Variants in PTCHD4 observed in about 807,000 individuals in gnomAD.
PTCHD4 encodes the protein patched domain-containing protein 4.
In PTCHD4, 33 loss-of-function variants were observed where a neutral mutation model predicts 58.1. That is an observed-to-expected ratio of 0.57 (90% CI 0.43 to 0.76). PTCHD4 has a LOEUF of 0.76. PTCHD4 is among the 30% of genes least tolerant of loss of function. The pLI is 0.00. For synonymous variants in PTCHD4, 478 were observed against 409.6 expected (o/e 1.17, Z -2.02); for missense variants, 1,058 against 1,027.1 (o/e 1.03, Z -0.41).
chr6:47,935,269 C>T lies in PTCHD4; in HGVS notation c.899-55333G>A, dbSNP rs569724851. 1.2e-4 allele frequency among the ~76,000 whole-genome samples: 19 copies of T among 152,218 alleles called. No individual in the cohort carries two copies. The East Asian group carries it at 3.1e-3, about 25-fold the overall frequency. ...AAGATCAATTGGGAAGTCTATCATT[C>T]GTATGCTACCTCTTAATTTGTGGCT... On this transcript the variant is annotated intron_variant, in intron 4 of 4. Coordinates refer to ENST00000339488, the MANE Select transcript of PTCHD4 (RefSeq NM_001384253.1).
intron 4 of PTCHD4, among the ~76,000 whole-genome samples, chr6:47,980,386 TTC>T (rs1767837925): frequency 6.6e-6 from 1 of 152,098 alleles, no homozygotes; most frequent in Non-Finnish European, 1.5e-5. Flanking sequence ...CCTTTCTTCT[TTC>T]TCTGTGTTGT....
intron 4 of PTCHD4, among the ~76,000 whole-genome samples, chr6:47,927,937 T>G (rs1193528276): frequency 1.3e-5 from 2 of 152,086 alleles, no homozygotes; most frequent in African/African-American, 4.8e-5. Flanking sequence ...TCTTATTTTT[T>G]GATCTCATAT....
At chr6:47,925,647 G>A (rs1314865675) in intron 4 of PTCHD4, among the ~76,000 whole-genome samples, 1 of 152,196 alleles carries the variant, frequency 6.6e-6, no homozygotes, top group Non-Finnish European at 1.5e-5. Flanking sequence ...CATGACCTGT[G>A]ATGACAACCA....
chr6:47,889,565 C>A (rs943445793), intron 4 of PTCHD4, among the ~76,000 whole-genome samples: 1 of 151,966 alleles, frequency 6.6e-6, no homozygotes, highest in Non-Finnish European at 1.5e-5. Flanking sequence ...CTACAACTAT[C>A]TGATCTTTGA....
At position 48,004,441 on chromosome 6, in the gene PTCHD4, G is replaced by T. The variant is rs1768871195; in HGVS notation, c.898+4193C>A. 2.6e-5 allele frequency among the ~76,000 whole-genome samples: 4 copies of T among 152,120 alleles called. No homozygotes were observed. In the South Asian group the frequency reaches 8.3e-4, roughly 31 times the overall value. On this transcript the variant is annotated intron_variant, in intron 4 of 4. Coordinates refer to ENST00000339488, the MANE Select transcript of PTCHD4 (RefSeq NM_001384253.1). The stretch of plus-strand genomic sequence containing the variant: ...CACAGAATGAGCCAGCTTGGCATCT[G>T]TGTGTAATATTAGCCCATATTTCTT...
chr6:47,916,773 T>A (rs1040314400), intron 4 of PTCHD4, among the ~76,000 whole-genome samples: 1 of 152,188 alleles, frequency 6.6e-6, no homozygotes, highest in Non-Finnish European at 1.5e-5. Flanking sequence ...GAAGATTTAT[T>A]GTGAAACAGG....
At chr6:47,915,977 G>A (rs985524511) in intron 4 of PTCHD4, among the ~76,000 whole-genome samples, 1 of 152,110 alleles carries the variant, frequency 6.6e-6, no homozygotes, top group Non-Finnish European at 1.5e-5. Flanking sequence ...TCTGAATCCT[G>A]TTTCAGTGTT....
At chr6:47,990,707 A>C (rs1408846760) in intron 4 of PTCHD4, among the ~76,000 whole-genome samples, 3 of 152,228 alleles carry the variant, frequency 2.0e-5, no homozygotes, top group Admixed American at 2.0e-4. Context: ...TGTCTTTATC[A>C]GCAGTATGAA....
intron 4 of PTCHD4, among the ~76,000 whole-genome samples, chr6:47,936,549 ATTTCAAACCAGGTCTTTTGGCTT>A (rs1766005670): frequency 6.6e-6 from 1 of 152,216 alleles, no homozygotes; most frequent in Non-Finnish European, 1.5e-5. Flanking sequence ...CAAATCCAGA[ATTTCAAACCAGGTCTTTTGGCTT>A]CCAGTTCAAT....
chr6:47,865,634 T>C lies in PTCHD4; in HGVS notation c.*12669A>G, dbSNP rs925857283. Among the ~76,000 whole-genome samples the C allele has an allele frequency of 5.3e-5, 8 of 151,954 alleles. No individual in the cohort carries two copies. In the East Asian group the frequency reaches 1.6e-3, roughly 30 times the overall value. On this transcript the variant is annotated 3_prime_UTR_variant, in exon 5 of 5. Transcript: ENST00000339488. ...AATTGTATTTATTTCTTCCTTTTTA[T>C]ATTCAGTGCCACAACTCTATTTCAG...
At chr6:48,041,966 A>G (rs1388703961) in intron 3 of PTCHD4, among the ~76,000 whole-genome samples, 1 of 152,092 alleles carries the variant, frequency 6.6e-6, no homozygotes, top group Non-Finnish European at 1.5e-5. Flanking sequence ...GCTGACTGCT[A>G]TAGTTTAAGA....
intron 4 of PTCHD4, among the ~76,000 whole-genome samples, chr6:47,994,562 A>C (rs1056510103): frequency 6.6e-6 from 1 of 152,210 alleles, no homozygotes; most frequent in Non-Finnish European, 1.5e-5. Context: ...AAAAAATGAC[A>C]TAGAACAAAG....
At chr6:47,973,946 C>T (rs192642045) in intron 4 of PTCHD4, among the ~76,000 whole-genome samples, 108 of 152,200 alleles carry the variant, frequency 7.1e-4, no homozygotes, top group Middle Eastern at 3.4e-3. Flanking sequence ...AAAGCTATTG[C>T]CAGCAATTGC....
At chr6:48,005,268 C>T (rs1374887063) in intron 4 of PTCHD4, among the ~76,000 whole-genome samples, 8 of 152,198 alleles carry the variant, frequency 5.3e-5, no homozygotes, top group Admixed American at 2.0e-4. Context: ...ATCAGCGACA[C>T]ACCCAGCTTC....
At chr6:48,058,923 G>C (rs1025546053) in intron 3 of PTCHD4, among the ~76,000 whole-genome samples, 1 of 152,128 alleles carries the variant, frequency 6.6e-6, no homozygotes, top group African/African-American at 2.4e-5. Flanking sequence ...CCAAAAATAG[G>C]AGAGATTTTC....
intron 4 of PTCHD4, among the ~76,000 whole-genome samples, chr6:47,925,399 A>G (rs1391838852): frequency 6.6e-6 from 1 of 152,160 alleles, no homozygotes; most frequent in Non-Finnish European, 1.5e-5. Context: ...TGTTATGGTG[A>G]CTATCTGCAG....
intron 4 of PTCHD4, among the ~76,000 whole-genome samples, chr6:47,984,227 C>T (rs1767984579): frequency 6.6e-6 from 1 of 152,104 alleles, no homozygotes; most frequent in Non-Finnish European, 1.5e-5. Context: ...AAGATACTAC[C>T]TGAAACTGGG....
chr6:48,030,005 C>G (rs1405769588), intron 3 of PTCHD4, among the ~76,000 whole-genome samples: 4 of 151,938 alleles, frequency 2.6e-5, no homozygotes, highest in African/African-American at 9.7e-5. Context: ...AGAAGTTACC[C>G]AAATCTATAG....
At chr6:47,912,177 G>A (rs1262154294) in intron 4 of PTCHD4, among the ~76,000 whole-genome samples, 3 of 152,074 alleles carry the variant, frequency 2.0e-5, no homozygotes, top group Admixed American at 1.3e-4. Context: ...AGGGACAAAA[G>A]GCAGCAGATC....
Sources: allele counts gnomAD v4.1 joint callset (sites outside exome capture counted in the v4.1 genomes callset), GRCh38; gene constraint gnomAD v4.1.1; transcripts MANE v1.5; gene names NCBI Gene and HGNC (gene_info 2026-07-23, HGNC 2026-07-21).